The following UST variants were observed in gnomAD, a reference collection of about 807,000 sequenced individuals.
UST encodes the protein chondroitin sulfate 2-O-sulfotransferase.
A neutral mutation model predicts 45.6 loss-of-function variants in UST; 21 were observed. The ratio of observed to expected loss-of-function variants is 0.46; its 90% CI spans 0.33 to 0.66. The LOEUF (loss-of-function observed/expected upper bound fraction) is 0.66. Among genes scored for constraint, UST ranks in the 30% least tolerant of loss-of-function variants. The pLI, the probability that UST is intolerant of heterozygous loss-of-function variation, is 0.02. For synonymous variants in UST, 215 were observed against 200.6 expected (o/e 1.07, Z -0.61); for missense variants, 463 against 512.4 (o/e 0.90, Z 0.93).
At chr6:149,053,291 A>G (rs1281055585) in intron 7 of UST, among the ~76,000 whole-genome samples, 1 of 152,214 alleles carries the variant, frequency 6.6e-6, no homozygotes, top group Non-Finnish European at 1.5e-5. Context: ...ACTGAAATCA[A>G]TTTAATAGTA....
intron 1 of UST, among the ~76,000 whole-genome samples, chr6:148,829,472 A>G (rs1041688920): frequency 2.0e-5 from 3 of 152,150 alleles, no homozygotes; most frequent in Non-Finnish European, 4.4e-5. Flanking sequence ...ATATTGTATG[A>G]GATTCCAGAC....
At chr6:149,072,443 C>G (rs1306738727) in intron 7 of UST, among the ~76,000 whole-genome samples, 1 of 152,046 alleles carries the variant, frequency 6.6e-6, no homozygotes. Context: ...CACCTGAGGT[C>G]GGGAATTCGA....
In UST at chr6:148,941,295, G is replaced by C. The variant is rs1780120968; in HGVS notation, c.308G>C (p.Ser103Thr). ...TTTTCCCAGGTACTACCTTTCCCAA[G>C]CCAGGTGGTGTACAACAGGGTAGGC... ...PPPSKVLPFP[S>T]QVVYNRVGKC... is the part of the protein sequence containing the mutation. Residue 103 changes from serine (S) to threonine (T), a missense_variant, in exon 3 of 8, where the codon AGC (serine) becomes ACC (threonine). By Grantham distance (58) the Ser-to-Thr change is moderately conservative. Coordinates refer to ENST00000367463, the MANE Select transcript of UST (RefSeq NM_005715.3). 1 of 1,612,746 alleles carries C rather than the reference G, an allele frequency of 6.2e-7. No individual in the cohort carries two copies. Among genetic ancestry groups the C allele is most frequent in the Non-Finnish European group, 8.5e-7 (1 of 1,179,686 alleles).
chr6:148,972,041 T>C (rs959407937), intron 5 of UST, among the ~76,000 whole-genome samples: 1 of 152,110 alleles, frequency 6.6e-6, no homozygotes, highest in African/African-American at 2.4e-5. Flanking sequence ...AGGGAGCAAT[T>C]ACAAAGACAT....
At chr6:148,993,122 C>A in intron 5 of UST, 1 of 953,520 alleles carries the variant, frequency 1.0e-6, no homozygotes, top group Non-Finnish European at 1.2e-6. Context: ...CTTAAATGCC[C>A]AAATTCTGAA....
At chr6:148,874,495 AG>A (rs1778613215) in intron 1 of UST, among the ~76,000 whole-genome samples, 1 of 152,176 alleles carries the variant, frequency 6.6e-6, no homozygotes, top group African/African-American at 2.4e-5. Flanking sequence ...ATTATTTTTC[AG>A]TGTCTGGAAT....
At chr6:148,969,982 A>G (rs1780882440) in intron 5 of UST, among the ~76,000 whole-genome samples, 1 of 152,208 alleles carries the variant, frequency 6.6e-6, no homozygotes, top group Admixed American at 6.5e-5. Flanking sequence ...TCCGAGGAGT[A>G]ACGAGAAAGG....
intron 2 of UST, among the ~76,000 whole-genome samples, chr6:148,909,806 T>TC (rs952790573): frequency 9.2e-5 from 14 of 151,456 alleles, no homozygotes; most frequent in Non-Finnish European, 1.3e-4. Context: ...TCAAGCACTG[T>TC]CCCCCCCGCC....
intron 2 of UST, among the ~76,000 whole-genome samples, chr6:148,917,463 C>T (rs371602658): frequency 6.6e-5 from 10 of 152,286 alleles, no homozygotes; most frequent in African/African-American, 1.7e-4. Flanking sequence ...GTCTTAAAAG[C>T]GGGGTTGCTT....
intron 7 of UST, among the ~76,000 whole-genome samples, chr6:149,058,294 G>A (rs1055055284): frequency 1.3e-5 from 2 of 151,590 alleles, no homozygotes; most frequent in African/African-American, 4.8e-5. Flanking sequence ...CTAGATGTAG[G>A]TAATGAAGTG....
chr6:148,834,596 A>G (rs1252938370), intron 1 of UST, among the ~76,000 whole-genome samples: 15 of 152,278 alleles, frequency 9.9e-5, no homozygotes, highest in Non-Finnish European at 1.2e-4. Context: ...GTAGCCAGGC[A>G]TGGTGGTGCA....
At chr6:148,867,285 T>TACACAC (rs58093813) in intron 1 of UST, among the ~76,000 whole-genome samples, 3,363 of 136,718 alleles carry the variant, frequency 0.025, 53 homozygotes, top group East Asian at 0.076. Flanking sequence ...CATTGTTGAA[T>TACACAC]ACACACACAC....
chr6:148,931,545 A>T (rs1438872975), intron 2 of UST, among the ~76,000 whole-genome samples: 2 of 152,244 alleles, frequency 1.3e-5, no homozygotes, highest in Non-Finnish European at 2.9e-5. Flanking sequence ...TAAAAATGGA[A>T]CAACTGCAAA....
intron 5 of UST, among the ~76,000 whole-genome samples, chr6:148,970,558 G>A (rs1394782918): frequency 6.6e-6 from 1 of 152,190 alleles, no homozygotes; most frequent in African/African-American, 2.4e-5. Context: ...CACGGGGCAG[G>A]AGAACTGTGG....
chr6:148,763,359 G>A (rs183355131), intron 1 of UST, among the ~76,000 whole-genome samples: 292 of 152,068 alleles, frequency 1.9e-3, no homozygotes, highest in South Asian at 3.5e-3. Context: ...AGGGTTATTT[G>A]CTTTTTTCTT....
intron 2 of UST, among the ~76,000 whole-genome samples, chr6:148,929,562 T>A (rs1413121459): frequency 6.6e-6 from 1 of 152,152 alleles, no homozygotes; most frequent in Non-Finnish European, 1.5e-5. Context: ...AAGAGCGAGA[T>A]GGAACAAAAG....
intron 7 of UST, among the ~76,000 whole-genome samples, chr6:149,057,989 CAT>C (rs1211073945): frequency 3.1e-4 from 47 of 152,226 alleles, no homozygotes; most frequent in Admixed American, 2.0e-3. Flanking sequence ...ATCATGTATA[CAT>C]GTACATAGTA....
chr6:148,871,092 G>C (rs1046870542), intron 1 of UST, among the ~76,000 whole-genome samples: 1 of 123,708 alleles, frequency 8.1e-6, no homozygotes, highest in Non-Finnish European at 1.6e-5. Context: ...TTATAAGGAC[G>C]AAGGAGACAG....
intron 5 of UST, among the ~76,000 whole-genome samples, chr6:149,001,375 G>A (rs372643189): frequency 4.6e-5 from 7 of 152,302 alleles, no homozygotes; most frequent in African/African-American, 1.7e-4. Context: ...CTGGCCTGGA[G>A]ATGTGATCCT....
Sources: gnomAD v4.1 joint callset for allele counts (sites outside exome capture counted in the v4.1 genomes callset) on GRCh38, gnomAD v4.1.1 for gene constraint, MANE v1.5 for transcripts, NCBI Gene and HGNC (gene_info 2026-07-23, HGNC 2026-07-21) for gene names.